The following FABP6 variants were observed in gnomAD, a reference collection of about 807,000 sequenced individuals.
The protein encoded by FABP6 is fatty acid binding protein 6, also known as gastrotropin.
In FABP6, 13 loss-of-function variants were observed where a neutral mutation model predicts 14.9. That is an observed-to-expected ratio of 0.87 (90% CI 0.57 to 1.39). FABP6 has a LOEUF of 1.39. Ranked by LOEUF, FABP6 falls within the 40% of genes most tolerant of loss-of-function variation. FABP6 has a pLI of 0.00. For missense variants in FABP6, 161 were observed against 167.2 expected, an observed-to-expected ratio of 0.96 and a Z score of 0.20; for synonymous variants, 75 against 63.6, an observed-to-expected ratio of 1.18 and a Z score of -0.85.
At chr5:160,228,592 C>G, upstream of FABP6, 1 of 454,724 alleles carries the variant, frequency 2.2e-6, no homozygotes, top group South Asian at 1.6e-5. Context: ...ACCCCTAACC[C>G]CTTCCAGCTC....
intron 3 of FABP6, among the ~76,000 whole-genome samples, chr5:160,221,629 C>T (rs769560417): frequency 1.3e-5 from 2 of 152,148 alleles, no homozygotes; most frequent in Non-Finnish European, 2.9e-5. Context: ...CATTGTTTCT[C>T]ATGCCTAGAG....
chr5:160,228,330 GC>G (rs1374406792), upstream of FABP6: 4 of 429,648 alleles, frequency 9.3e-6, no homozygotes. Context: ...GGCGGAGGTT[GC>G]AGTGAGCCGA....
At chr5:160,232,812 G>T (rs1223117339) in intron 2 of FABP6, among the ~76,000 whole-genome samples, 1 of 151,754 alleles carries the variant, frequency 6.6e-6, no homozygotes, top group African/African-American at 2.4e-5. Flanking sequence ...CAGGGGAATC[G>T]CTTGAATCCA....
intron 1 of FABP6, among the ~76,000 whole-genome samples, chr5:160,190,878 C>T (rs996878654): frequency 2.0e-5 from 3 of 151,596 alleles, no homozygotes; most frequent in Admixed American, 6.6e-5. Context: ...TTTCGGAGGC[C>T]GAGGCGGGCG....
intron 3 of FABP6, 86 bp from the exon 4 acceptor site, chr5:160,238,520 G>A (rs10056227): frequency 0.95 from 1,116,499 of 1,173,930 alleles, 531,617 homozygotes; most frequent in East Asian, 1. Flanking sequence ...CAAGGCCGGG[G>A]TTGGAGACTC....
intron 2 of FABP6, among the ~76,000 whole-genome samples, chr5:160,211,254 A>C (rs374128633): frequency 6.6e-6 from 1 of 151,708 alleles, no homozygotes; most frequent in South Asian, 2.1e-4. Flanking sequence ...ATACTGCTGC[A>C]TGTGGGTCTC....
chr5:160,202,719 G>T (rs1337616785), intron 2 of FABP6, among the ~76,000 whole-genome samples: 1 of 151,180 alleles, frequency 6.6e-6, no homozygotes. Context: ...CAGGAGAATG[G>T]CATGAACCTG....
exon 2 of FABP6, chr5:160,199,051 T>G: frequency 6.2e-7 from 1 of 1,601,048 alleles, no homozygotes; most frequent in South Asian, 1.1e-5. Flanking sequence ...CATTGCAGAC[T>G]TTGCACCTCT....
chr5:160,230,674 A>G (rs143353165), intron 1 of FABP6, among the ~76,000 whole-genome samples: 1 of 152,072 alleles, frequency 6.6e-6, no homozygotes, highest in Non-Finnish European at 1.5e-5. Context: ...TCAAACATTT[A>G]TTGAACACCA....
chr5:160,204,986 G>GT (rs2113087517), intron 2 of FABP6, among the ~76,000 whole-genome samples: 1 of 151,840 alleles, frequency 6.6e-6, no homozygotes, highest in South Asian at 2.1e-4. Flanking sequence ...GAAAGGGGGC[G>GT]TAACAGCTAA....
intron 2 of FABP6, among the ~76,000 whole-genome samples, chr5:160,201,089 C>T (rs1467186533): frequency 6.6e-6 from 1 of 152,132 alleles, no homozygotes; most frequent in Non-Finnish European, 1.5e-5. Context: ...GGTGCCATGG[C>T]TTACACCTGA....
rs545693739 is a variant in FABP6, at chr5:160,217,181, G to A, written c.135+3362G>A. Among the ~76,000 whole-genome samples, 32 of 152,214 alleles carry A rather than the reference G, an allele frequency of 2.1e-4. No individual in the cohort carries two copies. In the South Asian group the frequency reaches 6.2e-3, roughly 30 times the overall value. On this transcript the variant is annotated intron_variant, in intron 3 of 6. Transcript: ENST00000393980. ...TTCCATCAACTGAGATGCTCCATGG[G>A]GGCAGCAAGTTTTGTTGAGGGCAGA...
In FABP6 at chr5:160,208,110, G is replaced by A. The variant is rs186102896; in HGVS notation, c.52-5626G>A. Among the ~76,000 whole-genome samples, 3 of 152,026 alleles carry A rather than the reference G, an allele frequency of 2.0e-5. No individual in the cohort carries two copies. In the East Asian group the frequency reaches 5.8e-4, roughly 29 times the overall value. ...TTTTATGCATTTTTCTGAATTTTAT[G>A]TTACTTTTATCATCAGAAGAAAATG... On this transcript the variant is annotated intron_variant, in intron 2 of 6. Transcript: ENST00000393980.
At chr5:160,219,592 T>A (rs549629100) in intron 3 of FABP6, among the ~76,000 whole-genome samples, 1 of 152,230 alleles carries the variant, frequency 6.6e-6, no homozygotes, top group South Asian at 2.1e-4. Flanking sequence ...GGAGCATGGC[T>A]GAGTCAGTCA....
upstream of FABP6, among the ~76,000 whole-genome samples, chr5:160,224,948 T>C (rs1318370025): frequency 6.6e-6 from 1 of 151,956 alleles, no homozygotes; most frequent in East Asian, 1.9e-4. Flanking sequence ...TAGCTAATTT[T>C]CTGTGTTGTT....
intron 1 of FABP6, among the ~76,000 whole-genome samples, chr5:160,231,597 T>C (rs1351293090): frequency 1.3e-5 from 2 of 152,132 alleles, no homozygotes; most frequent in East Asian, 3.9e-4. Context: ...GGTTTTACCA[T>C]GTTAGCCAGG....
chr5:160,234,802 G>T lies in FABP6; in HGVS notation c.244-18G>T, dbSNP rs1267998349. 2 of 1,592,504 alleles carry T rather than the reference G, an allele frequency of 1.3e-6. No homozygotes were observed. Among genetic ancestry groups the T allele is most frequent in the Admixed American group, 1.8e-5 (1 of 57,106 alleles). ...TCACCTGCAACAACCCAGGCTTAATGTTGTGCTTCCATTCCAGGCCACTGT... is the reference window on the plus strand; with the variant it reads ...TCACCTGCAACAACCCAGGCTTAATTTTGTGCTTCCATTCCAGGCCACTGT... On this transcript the variant is annotated intron_variant, in intron 2 of 3. Transcript: ENST00000402432.
chr5:160,217,439 A>T (rs1402288488), intron 3 of FABP6, among the ~76,000 whole-genome samples: 1 of 152,156 alleles, frequency 6.6e-6, no homozygotes, highest in African/African-American at 2.4e-5. Context: ...ACACTTGGAG[A>T]TGAGGGAAAT....
chr5:160,227,881 TA>T (rs1226539825), upstream of FABP6, among the ~76,000 whole-genome samples: 4 of 150,826 alleles, frequency 2.7e-5, no homozygotes, highest in Non-Finnish European at 4.4e-5. Context: ...CCTGTTAGAC[TA>T]AAGTAAGAGT....
Sources: gnomAD v4.1 joint callset for allele counts (sites outside exome capture counted in the v4.1 genomes callset) on GRCh38, gnomAD v4.1.1 for gene constraint, MANE v1.5 for transcripts, NCBI Gene and HGNC (gene_info 2026-07-23, HGNC 2026-07-21) for gene names.